Variants in MYLK3 observed in about 807,000 individuals in gnomAD.
MYLK3 encodes myosin light chain kinase 3.
A neutral mutation model predicts 76.3 loss-of-function variants in MYLK3; 55 were observed. That is an observed-to-expected ratio of 0.72 (90% CI 0.58 to 0.90). The LOEUF (loss-of-function observed/expected upper bound fraction) is 0.90, where lower values mean the gene tolerates loss of function less well. Ranked by LOEUF, MYLK3 falls within the 40% of genes least tolerant of loss-of-function variation. The pLI is 0.00. For missense variants in MYLK3, 973 were observed against 1,053.6 expected (o/e 0.92, Z 1.06); for synonymous variants, 416 against 425.4 (o/e 0.98, Z 0.27).
chr16:46,729,814 C>G, intron 5 of MYLK3, 127 bp from the exon 6 acceptor site: 2 of 769,130 alleles, frequency 2.6e-6, no homozygotes, highest in Non-Finnish European at 4.3e-6. Context: ...AGAGTGCAGC[C>G]TGTCATCACC....
chr16:46,729,877 C>G (rs1452141020), intron 5 of MYLK3, 190 bp from the exon 6 acceptor site: 1 of 613,700 alleles, frequency 1.6e-6, no homozygotes, highest in Non-Finnish European at 2.9e-6. Flanking sequence ...TCACCCCACA[C>G]CACCCAGGCC....
At chr16:46,763,036 A>C in intron 1 of MYLK3, 2 of 985,446 alleles carry the variant, frequency 2.0e-6, no homozygotes, top group Non-Finnish European at 2.4e-6. Context: ...CTGCACTTAC[A>C]TACCACTTTC....
chr16:46,733,495 C>A lies in MYLK3; in HGVS notation c.1002-827G>T, dbSNP rs190218532. The stretch of plus-strand genomic sequence containing the variant: ...GAACAGCTCTCCACTTCAGCACAGG[C>A]CCTGCGCACCCTGGCAATGCCCCAG... On this transcript the variant is annotated intron_variant, in intron 3 of 12. Coordinates refer to ENST00000394809, the MANE Select transcript of MYLK3 (RefSeq NM_182493.3). Among the ~76,000 whole-genome samples the A allele has an allele frequency of 3.8e-3, 576 of 152,322 alleles. 3 individuals are homozygous for A. The highest frequency in any genetic ancestry group is 0.013 in the African/African-American group (553 of 41,580).
chr16:46,707,410 AT>A lies in MYLK3; in HGVS notation c.*293del, dbSNP rs1567279172. The A allele has an allele frequency of 7.1e-6, 2 of 280,578 alleles. No individual in the cohort carries two copies. The highest frequency in any genetic ancestry group is 1.3e-5 in the Non-Finnish European group (2 of 152,044). The allele number at this position is 280,578 out of a possible 1,614,324, so 17.4% of individuals were successfully genotyped here. On this transcript the variant is annotated 3_prime_UTR_variant, in exon 13 of 13. Coordinates refer to ENST00000394809, the MANE Select transcript of MYLK3 (RefSeq NM_182493.3). ...TGAGTTTAGAATTTAAATTCGACAGATGCAAAGTACCTACCTAAAGCATCCC... is the reference window on the plus strand; with the variant it reads ...TGAGTTTAGAATTTAAATTCGACAGAGCAAAGTACCTACCTAAAGCATCCC...
At chr16:46,753,580 A>AAG (rs1438247503) in intron 1 of MYLK3, among the ~76,000 whole-genome samples, 1 of 152,230 alleles carries the variant, frequency 6.6e-6, no homozygotes. Flanking sequence ...ACGATCATAG[A>AAG]AGAAACAGAG....
chr16:46,727,480 C>A (rs1966844997), intron 7 of MYLK3, 103 bp from the exon 8 acceptor site: 11 of 1,255,476 alleles, frequency 8.8e-6, no homozygotes, highest in Non-Finnish European at 7.6e-6. Flanking sequence ...GGTAGGCCCA[C>A]CATCACACCC....
intron 1 of MYLK3, among the ~76,000 whole-genome samples, chr16:46,755,906 C>CTTT (rs772833701): frequency 7.7e-4 from 84 of 109,716 alleles, no homozygotes; most frequent in Admixed American, 2.5e-3. Flanking sequence ...TTTTTTCTTT[C>CTTT]TTTTTTTTTT....
chr16:46,720,094 C>T (rs1966784342), intron 9 of MYLK3, among the ~76,000 whole-genome samples: 1 of 152,176 alleles, frequency 6.6e-6, no homozygotes, highest in Non-Finnish European at 1.5e-5. Flanking sequence ...AGGTGAATTG[C>T]TAGAATCCGG....
intron 8 of MYLK3, among the ~76,000 whole-genome samples, chr16:46,724,768 G>A (rs192780305): frequency 6.6e-6 from 1 of 152,232 alleles, no homozygotes; most frequent in African/African-American, 2.4e-5. Flanking sequence ...GATTGTTTTT[G>A]TTATTCTAGG....
intron 11 of MYLK3, among the ~76,000 whole-genome samples, chr16:46,710,388 C>T (rs1347504318): frequency 2.0e-5 from 3 of 152,244 alleles, no homozygotes; most frequent in African/African-American, 7.2e-5. Context: ...TGATAACTTG[C>T]AGATAGGACC....
At chr16:46,709,800 A>T (rs1966664816) in intron 11 of MYLK3, 129 bp from the exon 12 acceptor site, 3 of 1,098,782 alleles carry the variant, frequency 2.7e-6, no homozygotes, top group Non-Finnish European at 3.9e-6. Flanking sequence ...CATGCCATGT[A>T]CCAAAAAGGG....
rs369165021 is a variant in MYLK3 at position 46,738,049 on chromosome 16, G to C, written c.663C>G (p.Val221=). The C allele has an allele frequency of 1.1e-5, 18 of 1,609,732 alleles. No homozygotes were observed. The highest frequency in any genetic ancestry group is 2.5e-6 in the Non-Finnish European group (3 of 1,178,934). Residue 221 remains valine, a synonymous_variant, in exon 3 of 13, where the codon GTC becomes GTG. Coordinates refer to ENST00000394809, the MANE Select transcript of MYLK3 (RefSeq NM_182493.3). ...GAACACCATCTCCCTGGCCCGGTGA[G>C]ACCACTGCCTGGGCGGGGTCAGCTC... is the stretch of plus-strand genomic sequence containing the variant. ...GLGADPAQAV[V]SPGQGDGVPG...
intron 9 of MYLK3, among the ~76,000 whole-genome samples, chr16:46,719,346 GAT>G (rs1216603503): frequency 6.6e-6 from 1 of 151,224 alleles, no homozygotes; most frequent in Non-Finnish European, 1.5e-5. Flanking sequence ...AAAAAAAGAA[GAT>G]ATGTGATTCC....
At chr16:46,761,417 G>A (rs185180736) in intron 1 of MYLK3, among the ~76,000 whole-genome samples, 6 of 152,328 alleles carry the variant, frequency 3.9e-5, no homozygotes, top group Admixed American at 2.0e-4. Flanking sequence ...TGATTACCTG[G>A]GGTGGGGGGA....
chr16:46,704,384 A>G lies in MYLK3; in HGVS notation c.*3320T>C, dbSNP rs1053790392. The G allele has an allele frequency of 2.6e-5, 4 of 152,164 alleles. No individual in the cohort carries two copies. Among genetic ancestry groups the G allele is most frequent in the Non-Finnish European group, 5.9e-5 (4 of 68,036 alleles). The allele number at this position is 152,164 out of a possible 1,614,324, so 9.4% of individuals were successfully genotyped here. On this transcript the variant is annotated 3_prime_UTR_variant, in exon 13 of 13. Coordinates refer to ENST00000394809, the MANE Select transcript of MYLK3 (RefSeq NM_182493.3). ...GTGAGCCACCATGCCTAGCCTTGAC[A>G]TGTGTTTTTAAGTGTAAAATATACC...
chr16:46,710,530 G>A, intron 11 of MYLK3, 107 bp downstream of exon 11: 1 of 1,259,658 alleles, frequency 7.9e-7, no homozygotes, highest in Non-Finnish European at 1.1e-6. Context: ...ATCTTGAATG[G>A]AATTTGTCCA....
In MYLK3 at chr16:46,729,168, C is replaced by G. The variant is rs181657117; in HGVS notation, c.1663-35G>C. On this transcript the variant is annotated intron_variant, in intron 6 of 12. Transcript: ENST00000394809. ...ACCAGAGGACAGAAGGATTTCCAAG[C>G]GAATGAGTCAAGAAGAGGAGCCAGC... 19 of 1,553,668 alleles carry G rather than the reference C, an allele frequency of 1.2e-5. No individual in the cohort carries two copies. The African/African-American group carries it at 2.6e-4, about 21-fold the overall frequency.
chr16:46,759,629 C>G (rs1192840508), intron 1 of MYLK3, among the ~76,000 whole-genome samples: 2 of 145,860 alleles, frequency 1.4e-5, no homozygotes, highest in African/African-American at 2.5e-5. Flanking sequence ...CTTTTCTCCA[C>G]TTTTTTTTTT....
intron 8 of MYLK3, among the ~76,000 whole-genome samples, chr16:46,725,571 C>T (rs1040160310): frequency 6.6e-6 from 1 of 152,184 alleles, no homozygotes; most frequent in Non-Finnish European, 1.5e-5. Context: ...TGGCCCATTA[C>T]GTTGGTTGAT....
Sources: allele counts gnomAD v4.1 joint callset (sites outside exome capture counted in the v4.1 genomes callset), GRCh38; gene constraint gnomAD v4.1.1; transcripts MANE v1.5; gene names NCBI Gene and HGNC (gene_info 2026-07-23, HGNC 2026-07-21).